Variants in TBC1D22A observed in about 807,000 individuals in gnomAD.
TBC1D22A encodes the protein TBC1 domain family member 22A, also known as putative GTPase activator.
A neutral mutation model predicts 60.2 loss-of-function variants in TBC1D22A; 38 were observed. That is an observed-to-expected ratio of 0.63 (90% CI 0.49 to 0.83). The LOEUF is 0.83. TBC1D22A is among the 40% of genes least tolerant of loss of function. The probability of loss-of-function intolerance (pLI) is 0.00; values close to 1 mark genes in which losing one functional copy is unlikely to be tolerated. For synonymous variants in TBC1D22A, 302 were observed against 281.7 expected (o/e 1.07, Z -0.72); for missense variants, 628 against 701.0 (o/e 0.90, Z 1.18).
In TBC1D22A at chr22:47,022,763, C is replaced by T. The variant is rs145071950; in HGVS notation, c.1202-14308C>T. Among the ~76,000 whole-genome samples the T allele has an allele frequency of 7.3e-3, 1,116 of 152,240 alleles. 9 individuals carry two copies. Among genetic ancestry groups the T allele is most frequent in the Middle Eastern group, 0.031 (9 of 294 alleles). On this transcript the variant is annotated intron_variant, in intron 10 of 12. Coordinates refer to ENST00000337137, the MANE Select transcript of TBC1D22A (RefSeq NM_014346.5). ...AACGGAAAACTTTAGAAGTCCCCGG[C>T]ATCAGGTAGGGGACTTAGAAGGGTT...
At chr22:46,800,068 C>T (rs2084828604) in intron 4 of TBC1D22A, among the ~76,000 whole-genome samples, 1 of 152,164 alleles carries the variant, frequency 6.6e-6, no homozygotes. Flanking sequence ...TACATTTTCC[C>T]ATGGCGTACG....
chr22:46,952,882 C>T (rs933311733), intron 8 of TBC1D22A, among the ~76,000 whole-genome samples: 1 of 152,226 alleles, frequency 6.6e-6, no homozygotes, highest in African/African-American at 2.4e-5. Flanking sequence ...CTCTGGCCAC[C>T]CTCTTGCCAC....
chr22:46,918,350 A>T (rs2070520171), intron 8 of TBC1D22A, among the ~76,000 whole-genome samples: 1 of 152,208 alleles, frequency 6.6e-6, no homozygotes. Context: ...CCTGGAACCC[A>T]CACAGCGATG....
intron 12 of TBC1D22A, among the ~76,000 whole-genome samples, chr22:47,172,023 C>T (rs2068488018): frequency 1.4e-5 from 1 of 71,712 alleles, no homozygotes; most frequent in African/African-American, 7.2e-5. Flanking sequence ...CTACCCAGCA[C>T]TCCCAGTGAG....
At chr22:46,849,334 A>T (rs915285071) in intron 4 of TBC1D22A, among the ~76,000 whole-genome samples, 1 of 152,166 alleles carries the variant, frequency 6.6e-6, no homozygotes, top group African/African-American at 2.4e-5. Context: ...TGCCAACTGC[A>T]TTCCTCCTGG....
At chr22:47,136,316 C>T (rs1356966321) in intron 12 of TBC1D22A, among the ~76,000 whole-genome samples, 1 of 152,220 alleles carries the variant, frequency 6.6e-6, no homozygotes, top group Non-Finnish European at 1.5e-5. Context: ...TTGGCGTTGG[C>T]CCCAGGATTC....
Position 46,793,891 on chromosome 22 carries a change from A to G in TBC1D22A, c.460+50A>G, listed in dbSNP as rs1231297959. The G allele has an allele frequency of 3.4e-6, 5 of 1,472,116 alleles. No homozygotes were observed. The Admixed American group carries it at 1.3e-4, about 37-fold the overall frequency. The allele number at this position is 1,472,116 out of a possible 1,614,324, so 91.2% of individuals were successfully genotyped here. On this transcript the variant is annotated intron_variant, in intron 3 of 12. Coordinates refer to ENST00000337137, the MANE Select transcript of TBC1D22A (RefSeq NM_014346.5). Reference sequence around the variant, plus strand: ...GGTCTGGGTTTCTGGCCAAGCTAAGAAAGTGGCCAGAACACACTCACTGTG... The same window carrying G: ...GGTCTGGGTTTCTGGCCAAGCTAAGGAAGTGGCCAGAACACACTCACTGTG...
chr22:46,945,163 A>G (rs1189198752), intron 8 of TBC1D22A, among the ~76,000 whole-genome samples: 1 of 152,204 alleles, frequency 6.6e-6, no homozygotes, highest in African/African-American at 2.4e-5. Context: ...CAGTACCACA[A>G]ACTTTTGAAA....
chr22:46,877,956 T>A (rs1158180817), intron 4 of TBC1D22A, among the ~76,000 whole-genome samples: 7 of 152,154 alleles, frequency 4.6e-5, no homozygotes, highest in Non-Finnish European at 1.0e-4. Flanking sequence ...TCCCTGCCCT[T>A]GGAGGTGCTG....
At chr22:47,082,519 A>G (rs1248407763) in intron 11 of TBC1D22A, among the ~76,000 whole-genome samples, 1 of 152,240 alleles carries the variant, frequency 6.6e-6, no homozygotes, top group African/African-American at 2.4e-5. Context: ...GATATATAAA[A>G]ACTCCTATAG....
intron 10 of TBC1D22A, among the ~76,000 whole-genome samples, chr22:47,019,216 C>T (rs1169295491): frequency 1.3e-5 from 2 of 152,232 alleles, no homozygotes; most frequent in Non-Finnish European, 2.9e-5. Flanking sequence ...CCTCCACTGT[C>T]CAGCGGTCCC....
At chr22:46,963,213 A>T (rs1486758308) in intron 8 of TBC1D22A, among the ~76,000 whole-genome samples, 1 of 104,172 alleles carries the variant, frequency 9.6e-6, no homozygotes, top group Non-Finnish European at 2.0e-5. Flanking sequence ...ACAGAGCAAG[A>T]CTCCGTCTCA....
At chr22:46,801,752 C>T (rs962989369) in intron 4 of TBC1D22A, among the ~76,000 whole-genome samples, 9 of 152,228 alleles carry the variant, frequency 5.9e-5, no homozygotes, top group Admixed American at 2.0e-4. Context: ...GAAGGCACGA[C>T]GACCCGTCCG....
chr22:46,891,762 C>T (rs1384405787), intron 6 of TBC1D22A, among the ~76,000 whole-genome samples: 1 of 152,202 alleles, frequency 6.6e-6, no homozygotes, highest in Non-Finnish European at 1.5e-5. Flanking sequence ...CAGGCCCAAC[C>T]ACTTAGCTGA....
At chr22:46,987,510 A>G (rs2074772370) in intron 9 of TBC1D22A, among the ~76,000 whole-genome samples, 1 of 152,236 alleles carries the variant, frequency 6.6e-6, no homozygotes, top group Non-Finnish European at 1.5e-5. Context: ...AACCACCACA[A>G]TAAAGCAACT....
intron 11 of TBC1D22A, among the ~76,000 whole-genome samples, chr22:47,054,475 G>C (rs1224115801): frequency 1.3e-5 from 2 of 152,180 alleles, no homozygotes; most frequent in Non-Finnish European, 2.9e-5. Context: ...CTGCCTGCAT[G>C]ACTTACTCTC....
At chr22:47,088,593 T>C (rs2064794537) in intron 11 of TBC1D22A, among the ~76,000 whole-genome samples, 1 of 152,130 alleles carries the variant, frequency 6.6e-6, no homozygotes, top group Non-Finnish European at 1.5e-5. Flanking sequence ...TTCCTGCTAA[T>C]CAAATTTTTT....
At chr22:46,920,430 A>G (rs1208520239) in intron 8 of TBC1D22A, among the ~76,000 whole-genome samples, 1 of 152,292 alleles carries the variant, frequency 6.6e-6, no homozygotes, top group East Asian at 1.9e-4. Flanking sequence ...GTCCTATGAC[A>G]ATTATACCTT....
intron 12 of TBC1D22A, among the ~76,000 whole-genome samples, chr22:47,136,762 G>A (rs769612348): frequency 9.2e-5 from 14 of 152,214 alleles, no homozygotes; most frequent in African/African-American, 1.9e-4. Context: ...GACAGTGGAC[G>A]TCACTGCCTG....
Sources: allele counts gnomAD v4.1 joint callset (sites outside exome capture counted in the v4.1 genomes callset), GRCh38; gene constraint gnomAD v4.1.1; transcripts MANE v1.5; gene names NCBI Gene and HGNC (gene_info 2026-07-23, HGNC 2026-07-21).